TIAM2: variants seen among roughly 807,000 people sequenced by gnomAD.
The protein encoded by TIAM2 is TIAM Rac1 associated GEF 2.
TIAM2 carries 80 observed loss-of-function variants against 152.9 expected under a neutral mutation model. The observed-to-expected ratio is 0.52, with a 90% confidence interval of 0.44 to 0.63. The LOEUF (loss-of-function observed/expected upper bound fraction) is 0.63. Ranked by LOEUF, TIAM2 falls within the 30% of genes least tolerant of loss-of-function variation. TIAM2 has a pLI of 0.00. For synonymous variants in TIAM2, 804 were observed against 838.0 expected, an observed-to-expected ratio of 0.96 and a Z score of 0.70; for missense variants, 1,965 against 2,120.1, an observed-to-expected ratio of 0.93 and a Z score of 1.44.
chr6:155,164,531 C>A lies in TIAM2; in HGVS notation c.2145C>A (p.Ala715=). The A allele has an allele frequency of 6.2e-7, 1 of 1,614,114 alleles. No individual in the cohort carries two copies. Among genetic ancestry groups the A allele is most frequent in the African/African-American group, 1.3e-5 (1 of 75,040 alleles). The change falls in exon 8 of 27, where the codon GCC becomes GCA. Residue 715 remains alanine (A), a synonymous_variant. Transcript: ENST00000682666. ...CGAACCCAAAGAGTCTCCTTGCAGC[C>A]GCCAGCCGCCCCTCCAAGCTGGCCC... ...ELPNPKSLLA[A]ASRPSKLALG... is the part of the protein sequence containing the mutation.
At chr6:155,144,879 T>G in intron 6 of TIAM2, 101 bp downstream of exon 6, 1 of 1,332,680 alleles carries the variant, frequency 7.5e-7, no homozygotes, top group Non-Finnish European at 1.0e-6. Context: ...AATAAATACT[T>G]AGTTAGGCTT....
intron 15 of TIAM2, among the ~76,000 whole-genome samples, chr6:155,234,483 G>A (rs1782642586): frequency 6.6e-6 from 1 of 152,212 alleles, no homozygotes; most frequent in East Asian, 1.9e-4. Context: ...GTCCAGGATA[G>A]TCTTGACCTC....
In TIAM2 at chr6:155,197,666, A is replaced by G. The variant is rs147984137; in HGVS notation, c.3065-13538A>G. Among the ~76,000 whole-genome samples the G allele has an allele frequency of 4.6e-3, 700 of 152,184 alleles. 2 individuals are homozygous for G. Among genetic ancestry groups the G allele is most frequent in the African/African-American group, 0.016 (668 of 41,520 alleles). On this transcript the variant is annotated intron_variant, in intron 14 of 26. Transcript: ENST00000682666. The stretch of plus-strand genomic sequence containing the variant: ...GGGAGGCCTCAGAAAACTTACAATC[A>G]TGGTGGAAAGGGAAGCAAACATGTC...
intron 2 of TIAM2, among the ~76,000 whole-genome samples, chr6:155,109,503 G>A (rs1220501850): frequency 1.3e-5 from 2 of 152,208 alleles, no homozygotes; most frequent in Non-Finnish European, 2.9e-5. Context: ...AATAATGGTA[G>A]TAGATAAACC....
chr6:155,221,190 A>G (rs1782034755), intron 15 of TIAM2, among the ~76,000 whole-genome samples: 1 of 151,688 alleles, frequency 6.6e-6, no homozygotes, highest in African/African-American at 2.4e-5. Context: ...ATCACAAAAT[A>G]AAGAAGTAAA....
chr6:155,118,882 A>C (rs1779083812), intron 2 of TIAM2, among the ~76,000 whole-genome samples: 1 of 149,142 alleles, frequency 6.7e-6, no homozygotes, highest in East Asian at 2.0e-4. Context: ...TAATTTGTGC[A>C]GTGCAAAAGG....
At position 155,114,029 on chromosome 6, in the gene TIAM2, TATATATA is replaced by T. The variant is rs1470140816; in HGVS notation, c.-117-13460_-117-13454del. Among the ~76,000 whole-genome samples, 13 of 51,822 alleles carry T rather than the reference TATATATA, an allele frequency of 2.5e-4. 1 individual carries two copies. The highest frequency in any genetic ancestry group is 3.9e-4 in the Non-Finnish European group (10 of 25,522). 34.0% of individuals were successfully genotyped at this position (51,822 alleles called of 152,430 possible). On this transcript the variant is annotated intron_variant, in intron 2 of 26. Transcript: ENST00000682666. The stretch of plus-strand genomic sequence containing the variant: ...ATACTTTACTTTATATATATATATA[TATATATA>T]TTTTTTTTTTTTTCTTTTTTTTTTT...
chr6:155,148,226 C>G lies in TIAM2; in HGVS notation c.1920C>G (p.Thr640=), dbSNP rs1165471990. Residue 640 remains threonine, a synonymous_variant, in exon 7 of 27, where the codon ACC becomes ACG. Transcript: ENST00000682666. ...CGCTGCGGCTGCTGAAGAACCAGAC[C>G]AAAAACCTGCTTCAGAAGATAGACA... The part of the protein sequence containing the change: ...EDTLRLLKNQ[T]KNLLQKIDMD... 1 of 1,612,996 alleles carries G rather than the reference C, an allele frequency of 6.2e-7. No homozygotes were observed. Among genetic ancestry groups the G allele is most frequent in the Non-Finnish European group, 8.5e-7 (1 of 1,179,998 alleles).
At chr6:155,047,682 G>T in intron 1 of TIAM2, among the ~76,000 whole-genome samples, 1 of 30,912 alleles carries the variant, frequency 3.2e-5, no homozygotes, top group East Asian at 5.9e-4. Flanking sequence ...GAGAGAGAGA[G>T]AGAGAGGAGA....
chr6:155,187,573 C>CCTTT (rs1189509294), intron 14 of TIAM2, among the ~76,000 whole-genome samples: 114 of 49,626 alleles, frequency 2.3e-3, no homozygotes, highest in African/African-American at 2.8e-3. Context: ...ACCCCGCCCC[C>CCTTT]TTTTTTTTTT....
chr6:155,203,309 C>T (rs1781522164), intron 14 of TIAM2, among the ~76,000 whole-genome samples: 1 of 152,028 alleles, frequency 6.6e-6, no homozygotes, highest in Non-Finnish European at 1.5e-5. Context: ...ACAAAAGATA[C>T]ATAAAATGAA....
intron 1 of TIAM2, among the ~76,000 whole-genome samples, chr6:155,012,008 A>G (rs1024104123): frequency 4.6e-5 from 7 of 152,226 alleles, no homozygotes; most frequent in African/African-American, 1.7e-4. Context: ...TTAAGACCAA[A>G]TGTAGACTCT....
At chr6:155,151,972 G>A (rs991931777) in intron 7 of TIAM2, among the ~76,000 whole-genome samples, 1 of 151,372 alleles carries the variant, frequency 6.6e-6, no homozygotes, top group Non-Finnish European at 1.5e-5. Flanking sequence ...AGCCTCCTGA[G>A]TAGCTGGGAT....
chr6:155,168,775 G>A, intron 9 of TIAM2: 1 of 1,312,266 alleles, frequency 7.6e-7, no homozygotes. Context: ...TTTAAATAAT[G>A]AAAAAGGGTA....
At chr6:155,033,400 T>C (rs1221008500) in intron 1 of TIAM2, among the ~76,000 whole-genome samples, 1 of 152,230 alleles carries the variant, frequency 6.6e-6, no homozygotes, top group Non-Finnish European at 1.5e-5. Context: ...CAACTTTATC[T>C]GTGGTCTCCA....
intron 9 of TIAM2, among the ~76,000 whole-genome samples, chr6:155,173,378 T>A (rs1331386342): frequency 6.6e-6 from 1 of 152,102 alleles, no homozygotes; most frequent in African/African-American, 2.4e-5. Context: ...CTCAGAGCAG[T>A]TGTAGCACAG....
intron 5 of TIAM2, among the ~76,000 whole-genome samples, chr6:155,141,090 T>A (rs1024122701): frequency 2.0e-5 from 3 of 152,198 alleles, no homozygotes; most frequent in Non-Finnish European, 4.4e-5. Flanking sequence ...TTGCTAGATT[T>A]GTAGTCTTGG....
chr6:155,117,998 A>G (rs1180145826), intron 2 of TIAM2, among the ~76,000 whole-genome samples: 2 of 152,198 alleles, frequency 1.3e-5, no homozygotes, highest in African/African-American at 4.8e-5. Context: ...TTCCTGGGCC[A>G]ACACTGCCTC....
At chr6:155,225,601 C>G (rs1325715696) in intron 15 of TIAM2, among the ~76,000 whole-genome samples, 1 of 152,178 alleles carries the variant, frequency 6.6e-6, no homozygotes, top group Non-Finnish European at 1.5e-5. Flanking sequence ...CTTCTCACCA[C>G]CAGGGATACC....
Sources: gnomAD v4.1 joint callset for allele counts (sites outside exome capture counted in the v4.1 genomes callset) on GRCh38, gnomAD v4.1.1 for gene constraint, MANE v1.5 for transcripts, NCBI Gene and HGNC (gene_info 2026-07-23, HGNC 2026-07-21) for gene names.